WDR89: variants seen among roughly 807,000 people sequenced by gnomAD.
WDR89 encodes the protein WD repeat-containing protein 89.
Under a neutral mutation model 29.1 loss-of-function variants are expected in WDR89, and 17 were observed. The observed-to-expected ratio is 0.58, with a 90% CI of 0.40 to 0.88. The LOEUF is 0.88. Ranked by LOEUF, WDR89 falls within the 40% of genes least tolerant of loss-of-function variation. WDR89 has a pLI of 0.00. For missense variants in WDR89, 396 were observed against 456.3 expected (o/e 0.87, Z 1.20); for synonymous variants, 138 against 157.8 (o/e 0.87, Z 0.94).
intron 2 of WDR89, among the ~76,000 whole-genome samples, chr14:63,617,212 C>T (rs761027319): frequency 1.3e-5 from 2 of 151,150 alleles, no homozygotes; most frequent in Non-Finnish European, 2.9e-5. Flanking sequence ...CCAAGGAGCT[C>T]GGATTACAGG....
chr14:63,598,733 C>T lies in WDR89; in HGVS notation c.*46G>A. On this transcript the variant is annotated 3_prime_UTR_variant, in exon 3 of 3. Transcript: ENST00000620954. ...TACCATGGGTAGTAAACAAGAAGGA[C>T]TATTTGAAACTATAAAACCTACCAA... The T allele has an allele frequency of 6.7e-7, 1 of 1,482,978 alleles. No individual in the cohort carries two copies. The highest frequency in any genetic ancestry group is 9.0e-7 in the Non-Finnish European group (1 of 1,113,000). The allele number at this position is 1,482,978 out of a possible 1,614,324, so 91.9% of individuals were successfully genotyped here.
At chr14:63,620,811 T>C (rs1045278230) in intron 2 of WDR89, among the ~76,000 whole-genome samples, 4 of 151,440 alleles carry the variant, frequency 2.6e-5, no homozygotes, top group African/African-American at 9.8e-5. Flanking sequence ...GGCATGAAAA[T>C]TACTTGAACC....
intron 2 of WDR89, among the ~76,000 whole-genome samples, chr14:63,617,365 G>A (rs1354829688): frequency 3.3e-5 from 5 of 152,056 alleles, no homozygotes; most frequent in Non-Finnish European, 7.3e-5. Flanking sequence ...ATGGGAATGC[G>A]CCACTGTGCC....
chr14:63,612,770 T>C lies in WDR89; in HGVS notation c.-32+12158A>G, dbSNP rs113680782. Among the ~76,000 whole-genome samples the C allele has an allele frequency of 7.7e-3, 1,174 of 152,160 alleles. 9 individuals carry two copies. Among genetic ancestry groups the C allele is most frequent in the African/African-American group, 0.026 (1,091 of 41,518 alleles). ...TTGGTAGGCAACCTCAAAAAATCTC[T>C]CGAAAGTAGTAAGTACTCCTACTTA... is the stretch of plus-strand genomic sequence containing the variant. On this transcript the variant is annotated intron_variant, in intron 2 of 2. Transcript: ENST00000620954.
At chr14:63,603,716 C>T (rs1321848968) in intron 2 of WDR89, among the ~76,000 whole-genome samples, 1 of 152,178 alleles carries the variant, frequency 6.6e-6, no homozygotes, top group Admixed American at 6.5e-5. Flanking sequence ...GATAGGACCC[C>T]ATCAGTCTGT....
In WDR89 at chr14:63,598,421, T is replaced by TA. The variant is rs1203693416; in HGVS notation, c.*357dup. The TA allele has an allele frequency of 1.2e-5, 2 of 168,302 alleles. No individual in the cohort carries two copies. Among genetic ancestry groups the TA allele is most frequent in the African/African-American group, 2.4e-5 (1 of 41,990 alleles). 10.4% of individuals were successfully genotyped at this position (168,302 alleles called of 1,614,324 possible). A position where few individuals can be genotyped will look rare whatever the true frequency, so the allele number is the denominator to read the frequency against. On this transcript the variant is annotated 3_prime_UTR_variant, in exon 3 of 3. Transcript: ENST00000620954. ...TACACAATAAAGACAATTTAAAATG[T>TA]AAAAAACTGGGCTTAAAAAATGCAG... is the stretch of plus-strand genomic sequence containing the variant.
intron 2 of WDR89, among the ~76,000 whole-genome samples, chr14:63,623,007 T>C (rs1882798570): frequency 6.7e-6 from 1 of 149,824 alleles, no homozygotes; most frequent in African/African-American, 2.5e-5. Flanking sequence ...CGAGACCAGC[T>C]GGGCAAAATG....
intron 2 of WDR89, among the ~76,000 whole-genome samples, chr14:63,605,398 CT>C (rs1217635691): frequency 1.3e-5 from 2 of 151,844 alleles, no homozygotes; most frequent in Non-Finnish European, 2.9e-5. Flanking sequence ...GTACATAATA[CT>C]TCATAAAGAC....
intron 2 of WDR89, among the ~76,000 whole-genome samples, chr14:63,610,048 T>C (rs1881854139): frequency 6.6e-6 from 1 of 151,142 alleles, no homozygotes. Context: ...TCTAAAACAA[T>C]CTTAACAACA....
At chr14:63,600,266 G>T (rs532712366) in intron 2 of WDR89, among the ~76,000 whole-genome samples, 1 of 152,326 alleles carries the variant, frequency 6.6e-6, no homozygotes, top group South Asian at 2.1e-4. Context: ...GGCTGAGGTA[G>T]GAGGACTGCT....
At chr14:63,625,812 T>C (rs780324433) in intron 1 of WDR89, among the ~76,000 whole-genome samples, 1 of 152,132 alleles carries the variant, frequency 6.6e-6, no homozygotes, top group Admixed American at 6.6e-5. Context: ...GAAAATCACA[T>C]TTTAAACACA....
chr14:63,614,987 A>G (rs1882216986), intron 2 of WDR89, among the ~76,000 whole-genome samples: 1 of 152,230 alleles, frequency 6.6e-6, no homozygotes, highest in Admixed American at 6.5e-5. Context: ...TAAATACATT[A>G]AAATTCTCAG....
intron 1 of WDR89, among the ~76,000 whole-genome samples, chr14:63,634,713 T>C (rs1194630959): frequency 3.3e-5 from 5 of 151,498 alleles, no homozygotes; most frequent in South Asian, 2.1e-4. Flanking sequence ...CTACTAAAAA[T>C]ACAAAATTAG....
At chr14:63,612,835 G>A (rs1343592211) in intron 2 of WDR89, among the ~76,000 whole-genome samples, 1 of 152,108 alleles carries the variant, frequency 6.6e-6, no homozygotes, top group Middle Eastern at 3.2e-3. Flanking sequence ...GAGTTGGTAG[G>A]GCTATTTTCT....
intron 2 of WDR89, among the ~76,000 whole-genome samples, chr14:63,612,337 T>A (rs1882039885): frequency 6.6e-6 from 1 of 151,966 alleles, no homozygotes; most frequent in African/African-American, 2.4e-5. Flanking sequence ...AAGTTTTTTT[T>A]TTTTTTTGAG....
chr14:63,625,122 T>C (rs1051340938), intron 1 of WDR89, 89 bp from the exon 2 acceptor site: 40 of 151,116 alleles, frequency 2.6e-4, no homozygotes, highest in Admixed American at 2.4e-3. Context: ...TGTCATCTGC[T>C]GAAGGGAAAA....
chr14:63,601,393 C>T, intron 2 of WDR89: 3 of 657,908 alleles, frequency 4.6e-6, no homozygotes, highest in Non-Finnish European at 5.3e-6. Context: ...TAGATTGCCT[C>T]TCCAGGGTGG....
chr14:63,597,626 T>A lies in WDR89; in HGVS notation c.*1153A>T, dbSNP rs879216914. On this transcript the variant is annotated 3_prime_UTR_variant, in exon 3 of 3. Transcript: ENST00000620954. ...AATAGTTTCACTTCCAATTGTTTTA[T>A]GAATGCGATTTCTCCAGATATCTTT... is the stretch of plus-strand genomic sequence containing the variant. 2 of 152,238 alleles carry A rather than the reference T, an allele frequency of 1.3e-5. No homozygotes were observed. The highest frequency in any genetic ancestry group is 4.1e-4 in the South Asian group (2 of 4,836). The allele number at this position is 152,238 out of a possible 1,614,324, so 9.4% of individuals were successfully genotyped here.
Position 63,599,166 on chromosome 14 carries a change from G to A in WDR89, c.777C>T (p.Asn259=), listed in dbSNP as rs142765501. The change falls in exon 3 of 3, where the codon AAC becomes AAT. Residue 259 remains asparagine (N), a synonymous_variant. Coordinates refer to ENST00000620954, the MANE Select transcript of WDR89 (RefSeq NM_080666.4). The part of the protein sequence containing the change: ...LDTDEPVTRL[N]IQDVREVVNM... ...TAACTACTTCTCTGACATCCTGGATGTTCAAACGTGTAACTGGTTCATCAG... is the reference window on the plus strand; with the variant it reads ...TAACTACTTCTCTGACATCCTGGATATTCAAACGTGTAACTGGTTCATCAG... 1.9e-5 allele frequency: 30 copies of A among 1,612,024 alleles called. No individual in the cohort carries two copies. The African/African-American group carries it at 4.0e-4, about 22-fold the overall frequency.
Sources: gnomAD v4.1 joint callset for allele counts (sites outside exome capture counted in the v4.1 genomes callset) on GRCh38, gnomAD v4.1.1 for gene constraint, MANE v1.5 for transcripts, NCBI Gene and HGNC (gene_info 2026-07-23, HGNC 2026-07-21) for gene names.